Variants in DHX57 observed in about 807,000 individuals in gnomAD.
DHX57 encodes DExH-box helicase 57.
A neutral mutation model predicts 156.2 loss-of-function variants in DHX57; 105 were observed. The ratio of observed to expected loss-of-function variants is 0.67; its 90% confidence interval spans 0.57 to 0.79. DHX57 has a LOEUF of 0.79. Among genes scored for constraint, DHX57 ranks in the 30% least tolerant of loss-of-function variants. DHX57 has a pLI of 0.00. For missense variants in DHX57, 1,847 were observed against 1,661.9 expected, an observed-to-expected ratio of 1.11 and a Z score of -1.94; for synonymous variants, 704 against 595.6, an observed-to-expected ratio of 1.18 and a Z score of -2.65.
At position 38,858,776 on chromosome 2, in the gene DHX57, A is replaced by G. The variant is rs145496216; in HGVS notation, c.1472T>C (p.Val491Ala). 1.8e-4 allele frequency: 287 copies of G among 1,614,066 alleles called. 1 individual carries two copies. The African/African-American group carries it at 3.7e-3, about 21-fold the overall frequency. Residue 491 changes from valine to alanine, a missense_variant, in exon 6 of 24, where the codon GTA (valine) becomes GCA (alanine). Coordinates refer to ENST00000457308, the MANE Select transcript of DHX57 (RefSeq NM_198963.3). ...AAGGTTCACATAGCTTTCATTCTCT[A>G]CTATAACAGGTGCAGGACCGTCATC... Reference protein sequence around the residue: ...DEDDGPAPVIVENESYVNLKK... With the variant: ...DEDDGPAPVIAENESYVNLKK...
chr2:38,859,586 C>T (rs908112096), intron 5 of DHX57, among the ~76,000 whole-genome samples: 1 of 152,050 alleles, frequency 6.6e-6, no homozygotes, highest in African/African-American at 2.4e-5. Context: ...AAGTGCATGA[C>T]ACATAATTTT....
chr2:38,813,733 A>T, intron 21 of DHX57, 88 bp downstream of exon 21: 1 of 1,459,006 alleles, frequency 6.9e-7, no homozygotes, highest in Non-Finnish European at 9.5e-7. Context: ...ATATCTCTTT[A>T]AGATGATTAA....
chr2:38,814,746 G>A (rs1422610923), intron 20 of DHX57, among the ~76,000 whole-genome samples: 1 of 150,742 alleles, frequency 6.6e-6, no homozygotes, highest in Non-Finnish European at 1.5e-5. Flanking sequence ...TTTTGAGACA[G>A]AGTTTCGCTC....
At chr2:38,807,380 C>T (rs546327634) in intron 21 of DHX57, among the ~76,000 whole-genome samples, 5 of 151,662 alleles carry the variant, frequency 3.3e-5, no homozygotes, top group East Asian at 3.9e-4. Flanking sequence ...TTTTTTGAGA[C>T]GTAGTCTCCC....
Position 38,842,461 on chromosome 2 carries a change from A to T in DHX57, c.2425+544T>A, listed in dbSNP as rs192003498. The stretch of plus-strand genomic sequence containing the variant: ...AGTGTTAAATGTCCTCATTTTGATC[A>T]CTGTACTGTGGTTACGTAAGAGAAT... On this transcript the variant is annotated intron_variant, in intron 12 of 23. Transcript: ENST00000457308. Among the ~76,000 whole-genome samples the T allele has an allele frequency of 3.9e-5, 6 of 152,330 alleles. No homozygotes were observed. In the East Asian group the frequency reaches 1.2e-3, roughly 29 times the overall value.
rs377551255 is a variant in DHX57, at chr2:38,851,956, G to A, written c.2030+2098C>T. Among the ~76,000 whole-genome samples, 46 of 151,984 alleles carry A rather than the reference G, an allele frequency of 3.0e-4. 1 individual carries two copies. In the South Asian group the frequency reaches 9.5e-3, roughly 32 times the overall value. ...TTAATTTTTTTTCCCATTGTTTTCTGGAGTTTCTACAAAAAGATTATTTGC... is the reference window on the plus strand; with the variant it reads ...TTAATTTTTTTTCCCATTGTTTTCTAGAGTTTCTACAAAAAGATTATTTGC... On this transcript the variant is annotated intron_variant, in intron 9 of 23. Transcript: ENST00000457308.
intron 11 of DHX57, among the ~76,000 whole-genome samples, chr2:38,845,449 G>C (rs995037221): frequency 7.2e-5 from 11 of 152,066 alleles, no homozygotes; most frequent in Admixed American, 2.0e-4. Context: ...AATGAATATG[G>C]AATTAGGAGG....
intron 19 of DHX57, 105 bp from the exon 20 acceptor site, chr2:38,815,760 A>T: frequency 7.1e-7 from 1 of 1,401,340 alleles, no homozygotes. Context: ...GGGGGTAGCA[A>T]TGAGGCTCAA....
At chr2:38,869,957 G>C (rs1028472965) in intron 1 of DHX57, among the ~76,000 whole-genome samples, 3 of 152,162 alleles carry the variant, frequency 2.0e-5, no homozygotes, top group East Asian at 1.9e-4. Context: ...GTAAAGGAAG[G>C]TATGATGACA....
At chr2:38,860,266 A>G (rs1298053570) in intron 5 of DHX57, among the ~76,000 whole-genome samples, 1 of 152,170 alleles carries the variant, frequency 6.6e-6, no homozygotes, top group Non-Finnish European at 1.5e-5. Flanking sequence ...CCTGGCCAAC[A>G]TGGTGAAACC....
At chr2:38,851,484 C>T (rs1049355045) in intron 9 of DHX57, among the ~76,000 whole-genome samples, 3 of 152,168 alleles carry the variant, frequency 2.0e-5, no homozygotes, top group Non-Finnish European at 4.4e-5. Context: ...TATTCCCCTA[C>T]TTTTCCTTGT....
chr2:38,802,971 C>A, intron 22 of DHX57, 56 bp from the exon 23 acceptor site: 1 of 1,595,548 alleles, frequency 6.3e-7, no homozygotes, highest in East Asian at 2.2e-5. Context: ...AAAAAGGGAA[C>A]AACCCCCCAG....
chr2:38,861,507 T>C lies in DHX57; in HGVS notation c.903A>G (p.Ser301=). 6.2e-7 allele frequency: 1 copy of C among 1,614,152 alleles called. No individual in the cohort carries two copies. Among genetic ancestry groups the C allele is most frequent in the Admixed American group, 1.7e-5 (1 of 60,008 alleles). ...TGAGGTAAAATTTACAGATTTCAAGTGAATTCTCTTGTACATTTTTGGTAC... is the reference window on the plus strand; with the variant it reads ...TGAGGTAAAATTTACAGATTTCAAGCGAATTCTCTTGTACATTTTTGGTAC... ...KESTKNVQEN[S]LEICKFYLKG... is the part of the protein sequence containing the mutation. Residue 301 remains serine (S), a synonymous_variant, in exon 5 of 24, where the codon TCA becomes TCG. Coordinates refer to ENST00000457308, the MANE Select transcript of DHX57 (RefSeq NM_198963.3).
At chr2:38,830,281 C>A (rs1007529668) in intron 13 of DHX57, among the ~76,000 whole-genome samples, 4 of 152,126 alleles carry the variant, frequency 2.6e-5, no homozygotes, top group Non-Finnish European at 5.9e-5. Flanking sequence ...CTCACAGTAA[C>A]AAAGAATGTT....
intron 2 of DHX57, among the ~76,000 whole-genome samples, chr2:38,867,512 G>C (rs937881916): frequency 6.6e-6 from 1 of 152,128 alleles, no homozygotes; most frequent in Non-Finnish European, 1.5e-5. Flanking sequence ...AAAATACACA[G>C]CTCATCAACT....
At chr2:38,860,410 C>G (rs931847362) in intron 5 of DHX57, among the ~76,000 whole-genome samples, 1 of 152,128 alleles carries the variant, frequency 6.6e-6, no homozygotes, top group African/African-American at 2.4e-5. Context: ...GATCATACCA[C>G]TGCACTCCAG....
At chr2:38,829,399 A>C (rs556719559) in intron 13 of DHX57, among the ~76,000 whole-genome samples, 58 of 151,412 alleles carry the variant, frequency 3.8e-4, no homozygotes, top group Admixed American at 3.8e-3. Flanking sequence ...CTCCCGCCTC[A>C]TCCTCCTGAG....
chr2:38,864,380 T>C (rs1233596236), intron 2 of DHX57, among the ~76,000 whole-genome samples: 2 of 151,990 alleles, frequency 1.3e-5, no homozygotes, highest in Non-Finnish European at 2.9e-5. Context: ...ATCCTGTCTC[T>C]ATTTAAAAAA....
At chr2:38,864,023 A>C (rs1002582998) in intron 2 of DHX57, among the ~76,000 whole-genome samples, 8 of 151,002 alleles carry the variant, frequency 5.3e-5, no homozygotes, top group African/African-American at 1.7e-4. Context: ...AAAAAAAAAA[A>C]ACAACAAAAC....
Sources: gnomAD v4.1 joint callset for allele counts (sites outside exome capture counted in the v4.1 genomes callset) on GRCh38, gnomAD v4.1.1 for gene constraint, MANE v1.5 for transcripts, NCBI Gene and HGNC (gene_info 2026-07-23, HGNC 2026-07-21) for gene names.